The following MON2 variants were observed in gnomAD, a reference collection of about 807,000 sequenced individuals.
MON2 encodes the protein MON2 regulator of endosome-to-Golgi trafficking.
MON2 carries 84 observed loss-of-function variants against 208.6 expected under a neutral mutation model. The observed-to-expected ratio is 0.40, with a 90% CI of 0.34 to 0.48. The LOEUF is 0.48. Ranked by LOEUF, MON2 falls within the 20% of genes least tolerant of loss-of-function variation. MON2 has a pLI of 0.59. For synonymous variants in MON2, 660 were observed against 694.0 expected, an observed-to-expected ratio of 0.95 and a Z score of 0.77; for missense variants, 1,611 against 2,015.4, an observed-to-expected ratio of 0.80 and a Z score of 3.84.
intron 7 of MON2, 69 bp downstream of exon 7, chr12:62,501,767 A>G: frequency 1.9e-6 from 3 of 1,570,380 alleles, no homozygotes; most frequent in Admixed American, 1.7e-5. Context: ...TAAAGAAAGC[A>G]ACGTGTATTT....
At chr12:62,518,631 G>A (rs2071829641) in intron 8 of MON2, among the ~76,000 whole-genome samples, 1 of 152,036 alleles carries the variant, frequency 6.6e-6, no homozygotes, top group African/African-American at 2.4e-5. Flanking sequence ...ATTGGTGGGG[G>A]TGTAGGGGGA....
intron 5 of MON2, 42 bp downstream of exon 5, chr12:62,499,090 G>C: frequency 6.3e-7 from 1 of 1,594,718 alleles, no homozygotes; most frequent in Non-Finnish European, 8.5e-7. Flanking sequence ...GTGGTTCTTG[G>C]ATGATTTCAT....
At chr12:62,513,415 C>T (rs998647130) in intron 8 of MON2, among the ~76,000 whole-genome samples, 24 of 151,654 alleles carry the variant, frequency 1.6e-4, no homozygotes, top group Non-Finnish European at 2.1e-4. Flanking sequence ...TAGTAGAGAC[C>T]GGGTTTCGCC....
At chr12:62,509,053 A>T (rs7963346) in intron 8 of MON2, 1 of 151,754 alleles carries the variant, frequency 6.6e-6, no homozygotes, top group African/African-American at 2.4e-5. Flanking sequence ...GTGTTTTTTT[A>T]AAATTCTGTG....
Position 62,525,079 on chromosome 12 carries a change from T to G in MON2, c.1110-5T>G. ...TTCCCAAAAACCTTTTAAATTATTT[T>G]ACAGGTCATTTTGTCAGTCCTATGA... On this transcript the variant is annotated splice_region_variant and splice_polypyrimidine_tract_variant and intron_variant, in intron 9 of 34. Transcript: ENST00000393630. 1 of 1,603,434 alleles carries G rather than the reference T, an allele frequency of 6.2e-7. No individual in the cohort carries two copies. Among genetic ancestry groups the G allele is most frequent in the Non-Finnish European group, 8.5e-7 (1 of 1,173,556 alleles).
intron 31 of MON2, 149 bp from the exon 32 acceptor site, chr12:62,580,148 T>C: frequency 1.4e-6 from 1 of 715,414 alleles, no homozygotes; most frequent in South Asian, 1.8e-5. Flanking sequence ...AGTCATTCTG[T>C]ATGTTAACAT....
intron 33 of MON2, chr12:62,585,719 A>AT: frequency 2.6e-6 from 1 of 385,926 alleles, no homozygotes; most frequent in Admixed American, 4.0e-5. Context: ...CCTCATGGAG[A>AT]TTATGTAACA....
intron 8 of MON2, among the ~76,000 whole-genome samples, chr12:62,513,518 G>A (rs77772101): frequency 0.096 from 14,536 of 151,972 alleles, 812 homozygotes; most frequent in Non-Finnish European, 0.12. Context: ...GAGCCACTGC[G>A]CCCGGCCTGG....
intron 1 of MON2, among the ~76,000 whole-genome samples, chr12:62,477,226 GA>G (rs895971683): frequency 2.6e-5 from 4 of 151,666 alleles, no homozygotes; most frequent in South Asian, 2.1e-4. Flanking sequence ...CAACTTTTGT[GA>G]AAAAAAAGTA....
chr12:62,538,134 C>T lies in MON2; in HGVS notation c.2157C>T (p.Gly719=), dbSNP rs758615154. 9.3e-6 allele frequency: 15 copies of T among 1,613,612 alleles called. No homozygotes were observed. In the East Asian group the frequency reaches 2.2e-4, roughly 24 times the overall value. Residue 719 remains glycine, a synonymous_variant, in exon 17 of 35, where the codon GGC becomes GGT. Transcript: ENST00000393630. ...TTCTGGGATTAAAGCCTAGTAGTGG[C>T]GGTGCCTTGAAACCTGGGAGAGCTG... ...VWILGLKPSS[G]GALKPGRAVE... is the part of the protein sequence containing the mutation.
At chr12:62,531,178 T>A (rs1270759496) in intron 11 of MON2, among the ~76,000 whole-genome samples, 1 of 152,228 alleles carries the variant, frequency 6.6e-6, no homozygotes, top group African/African-American at 2.4e-5. Context: ...GGTCTTTTCA[T>A]TTTCTTGATT....
chr12:62,481,965 G>A (rs546324654), intron 1 of MON2, among the ~76,000 whole-genome samples: 3 of 152,316 alleles, frequency 2.0e-5, no homozygotes, highest in East Asian at 1.9e-4. Flanking sequence ...CAGCGTGACC[G>A]TTACGGCTGT....
At chr12:62,584,705 C>CAA (rs1226172058) in intron 32 of MON2, among the ~76,000 whole-genome samples, 4,795 of 71,440 alleles carry the variant, frequency 0.067, 298 homozygotes, top group Middle Eastern at 0.078. Flanking sequence ...TCTGTCTCAA[C>CAA]AAAAAAAAAA....
At chr12:62,479,413 T>C (rs2069268299) in intron 1 of MON2, among the ~76,000 whole-genome samples, 1 of 125,692 alleles carries the variant, frequency 8.0e-6, no homozygotes, top group East Asian at 2.2e-4. Context: ...TTTTAAAATG[T>C]GTGTGTGTGT....
chr12:62,557,962 ATTTTTTTT>A (rs869193690), intron 25 of MON2, among the ~76,000 whole-genome samples: 3 of 20,870 alleles, frequency 1.4e-4, no homozygotes, highest in Non-Finnish European at 2.0e-4. Flanking sequence ...ATATATATAT[ATTTTTTTT>A]TTTTTTTTTT....
chr12:62,490,827 AT>A lies in MON2; in HGVS notation c.176-3085del, dbSNP rs1423779007. ...ATTCCTTTGAATTACATTAAAATAA[AT>A]TTAAAAATTAATTTCTATTACTATC... On this transcript the variant is annotated intron_variant, in intron 2 of 34. Transcript: ENST00000393630. Among the ~76,000 whole-genome samples the A allele has an allele frequency of 2.0e-5, 3 of 152,320 alleles. No homozygotes were observed. In the East Asian group the frequency reaches 5.8e-4, roughly 29 times the overall value.
intron 2 of MON2, among the ~76,000 whole-genome samples, chr12:62,492,979 G>A (rs11615669): frequency 0.65 from 98,719 of 151,478 alleles, 32,136 homozygotes; most frequent in Middle Eastern, 0.71. Flanking sequence ...TTCCATCTCA[G>A]AAAAACAAAA....
intron 29 of MON2, among the ~76,000 whole-genome samples, chr12:62,568,358 A>G (rs1273647165): frequency 1.3e-5 from 2 of 152,152 alleles, no homozygotes; most frequent in Non-Finnish European, 1.5e-5. Context: ...TTTTTTTTAG[A>G]GACAGAGTTT....
chr12:62,564,646 T>C (rs2074313129), intron 26 of MON2, among the ~76,000 whole-genome samples: 1 of 152,162 alleles, frequency 6.6e-6, no homozygotes, highest in Non-Finnish European at 1.5e-5. Context: ...AATGTTTTCT[T>C]ATATTAAAAT....
Sources: allele counts gnomAD v4.1 joint callset (sites outside exome capture counted in the v4.1 genomes callset), GRCh38; gene constraint gnomAD v4.1.1; transcripts MANE v1.5; gene names NCBI Gene and HGNC (gene_info 2026-07-23, HGNC 2026-07-21).